RSRC1: variants seen among roughly 807,000 people sequenced by gnomAD.
RSRC1 encodes arginine and serine rich coiled-coil 1, also known as serine/Arginine-related protein 53.
In RSRC1, 39 loss-of-function variants were observed where a neutral mutation model predicts 49.1. The observed-to-expected ratio is 0.79, with a 90% confidence interval of 0.61 to 1.04. RSRC1 has a LOEUF of 1.04. Among genes scored for constraint, RSRC1 ranks in the 50% least tolerant of loss-of-function variants. The pLI is 0.00. For synonymous variants in RSRC1, 143 were observed against 130.8 expected (o/e 1.09, Z -0.63); for missense variants, 388 against 402.4 (o/e 0.96, Z 0.31).
chr3:158,141,402 G>A (rs1230402960), intron 3 of RSRC1, among the ~76,000 whole-genome samples: 3 of 152,130 alleles, frequency 2.0e-5, no homozygotes, highest in African/African-American at 4.8e-5. Flanking sequence ...AATTTTGCAT[G>A]TTCTTTAACA....
chr3:158,461,324 T>C (rs1737599915), intron 7 of RSRC1, among the ~76,000 whole-genome samples: 1 of 151,920 alleles, frequency 6.6e-6, no homozygotes, highest in East Asian at 1.9e-4. Flanking sequence ...TTGAACCTTA[T>C]CCATAGATTT....
Position 158,282,811 on chromosome 3 carries a change from C to T in RSRC1, c.495-15228C>T, listed in dbSNP as rs546797229. Among the ~76,000 whole-genome samples the T allele has an allele frequency of 1.8e-4, 28 of 152,226 alleles. No individual in the cohort carries two copies. In the East Asian group the frequency reaches 3.1e-3, roughly 17 times the overall value. ...TAATGAACTGGTTTGAGAAGAGTTA[C>T]ATATTGGCAGAAAATTGTTAGCCAG... On this transcript the variant is annotated intron_variant, in intron 4 of 9. Transcript: ENST00000611884.
intron 3 of RSRC1, among the ~76,000 whole-genome samples, chr3:158,166,449 G>A (rs1003682705): frequency 6.6e-6 from 1 of 152,092 alleles, no homozygotes; most frequent in Middle Eastern, 3.2e-3. Flanking sequence ...AGAAAACAGA[G>A]GTGAAGCAAA....
At position 158,343,779 on chromosome 3, in the gene RSRC1, AG is replaced by A. The variant is rs1730388078; in HGVS notation, c.532-11077del. 2.6e-5 allele frequency among the ~76,000 whole-genome samples: 4 copies of A among 152,320 alleles called. No homozygotes were observed. In the East Asian group the frequency reaches 7.7e-4, roughly 29 times the overall value. ...AGAACTATCCAAAATGAAACTAGAG[AG>A]AAAAAGAAGGCTTAGAAGAGCATTT... On this transcript the variant is annotated intron_variant, in intron 5 of 9. Transcript: ENST00000611884.
At chr3:158,355,201 A>C (rs553477825) in intron 6 of RSRC1, among the ~76,000 whole-genome samples, 4 of 151,776 alleles carry the variant, frequency 2.6e-5, no homozygotes, top group African/African-American at 9.7e-5. Flanking sequence ...TTTATGTACT[A>C]TGGTTTTGGT....
chr3:158,248,075 T>G (rs1250579146), intron 4 of RSRC1, among the ~76,000 whole-genome samples: 1 of 152,170 alleles, frequency 6.6e-6, no homozygotes, highest in African/African-American at 2.4e-5. Flanking sequence ...CGAGAGTGCT[T>G]AGGAGCACAG....
intron 5 of RSRC1, among the ~76,000 whole-genome samples, chr3:158,304,343 ATTTCGGT>A (rs1727727519): frequency 6.6e-6 from 1 of 152,144 alleles, no homozygotes; most frequent in Non-Finnish European, 1.5e-5. Flanking sequence ...AAACTGCTGT[ATTTCGGT>A]TTTCAGACTA....
intron 8 of RSRC1, among the ~76,000 whole-genome samples, chr3:158,541,043 G>A (rs1030485579): frequency 6.6e-6 from 1 of 152,210 alleles, no homozygotes; most frequent in Non-Finnish European, 1.5e-5. Context: ...TGATGTGGCT[G>A]TGTTAAGGAA....
chr3:158,334,383 G>T (rs2108201564), intron 5 of RSRC1, among the ~76,000 whole-genome samples: 1 of 152,172 alleles, frequency 6.6e-6, no homozygotes, highest in South Asian at 2.1e-4. Flanking sequence ...GAGGTCTAAT[G>T]TCATAAGTAA....
At chr3:158,419,820 CAAA>C (rs10574446) in intron 6 of RSRC1, among the ~76,000 whole-genome samples, 20,080 of 134,388 alleles carry the variant, frequency 0.15, 1,417 homozygotes, top group Middle Eastern at 0.2. Flanking sequence ...TTAAATCTAG[CAAA>C]AAAAAAAAAA....
intron 7 of RSRC1, among the ~76,000 whole-genome samples, chr3:158,518,781 C>A (rs1029334297): frequency 6.6e-6 from 1 of 152,110 alleles, no homozygotes; most frequent in African/African-American, 2.4e-5. Flanking sequence ...TGGAAACACC[C>A]TCTTTTTCAG....
intron 5 of RSRC1, among the ~76,000 whole-genome samples, chr3:158,312,536 TAA>T (rs1728191814): frequency 6.6e-6 from 1 of 152,170 alleles, no homozygotes; most frequent in African/African-American, 2.4e-5. Context: ...TTGTAAATTA[TAA>T]GTTTTTAGAA....
intron 4 of RSRC1, among the ~76,000 whole-genome samples, chr3:158,273,549 G>A (rs1725638313): frequency 6.6e-6 from 1 of 152,014 alleles, no homozygotes; most frequent in African/African-American, 2.4e-5. Flanking sequence ...TGGCTTTTCA[G>A]TATGAATGTT....
chr3:158,436,597 A>AT (rs1736056358), intron 6 of RSRC1, among the ~76,000 whole-genome samples: 1 of 151,912 alleles, frequency 6.6e-6, no homozygotes, highest in Non-Finnish European at 1.5e-5. Context: ...CCTAAATGAA[A>AT]TTTTGTTGTA....
rs139477071 is a variant in RSRC1 at position 158,428,142 on chromosome 3, T to G, written c.584-32793T>G. Among the ~76,000 whole-genome samples, 292 of 151,852 alleles carry G rather than the reference T, an allele frequency of 1.9e-3. 4 individuals carry two copies. The highest frequency in any genetic ancestry group is 6.8e-3 in the African/African-American group (282 of 41,466). ...GGTAATATTGTTTGTTCTCCTTCCC[T>G]CTAGGAAAGGAGTCAAGCCTCTACT... On this transcript the variant is annotated intron_variant, in intron 6 of 9. Coordinates refer to ENST00000611884, the MANE Select transcript of RSRC1 (RefSeq NM_001271838.2).
intron 7 of RSRC1, chr3:158,496,848 T>A: frequency 4.7e-6 from 1 of 214,000 alleles, no homozygotes; most frequent in Non-Finnish European, 1.0e-5. Flanking sequence ...AAGTCATTGG[T>A]TGCAATTGTG....
At chr3:158,146,624 C>G (rs1717139173) in intron 3 of RSRC1, among the ~76,000 whole-genome samples, 1 of 152,122 alleles carries the variant, frequency 6.6e-6, no homozygotes, top group Admixed American at 6.5e-5. Context: ...GCTTTGGTAT[C>G]AGGATGATGC....
At chr3:158,410,896 G>A (rs1734431287) in intron 6 of RSRC1, among the ~76,000 whole-genome samples, 1 of 152,044 alleles carries the variant, frequency 6.6e-6, no homozygotes, top group Non-Finnish European at 1.5e-5. Context: ...CAAACACTTT[G>A]CCAGCACCTC....
At chr3:158,187,390 CTA>C (rs904648784) in intron 3 of RSRC1, among the ~76,000 whole-genome samples, 8 of 151,944 alleles carry the variant, frequency 5.3e-5, no homozygotes, top group African/African-American at 1.9e-4. Context: ...AGAGCATTAA[CTA>C]TTATAGTAAA....
Sources: allele counts gnomAD v4.1 joint callset (sites outside exome capture counted in the v4.1 genomes callset), GRCh38; gene constraint gnomAD v4.1.1; transcripts MANE v1.5; gene names NCBI Gene and HGNC (gene_info 2026-07-23, HGNC 2026-07-21).